Variants in ANK2 observed in about 807,000 individuals in gnomAD.
ANK2 encodes ankyrin 2.
ANK2 carries 83 observed loss-of-function variants against 360.5 expected under a neutral mutation model. The ratio of observed to expected loss-of-function variants is 0.23; its 90% CI spans 0.19 to 0.28. The LOEUF is 0.28. Among genes scored for constraint, ANK2 ranks in the 10% least tolerant of loss-of-function variants. ANK2 has a pLI of 1.00. For synonymous variants in ANK2, 1,740 were observed against 1,759.5 expected (o/e 0.99, Z 0.28); for missense variants, 4,201 against 4,795.7 (o/e 0.88, Z 3.66).
intron 45 of ANK2, chr4:113,374,734 A>G: frequency 9.9e-7 from 1 of 1,013,166 alleles, no homozygotes; most frequent in South Asian, 3.8e-5. Context: ...GCAATCAGAC[A>G]TTGTCTATTG....
chr4:112,828,166 C>G (rs1026298887), intron 1 of ANK2, among the ~76,000 whole-genome samples: 1 of 150,624 alleles, frequency 6.6e-6, no homozygotes, highest in Non-Finnish European at 1.5e-5. Flanking sequence ...TAGCCATATG[C>G]AGAAGATTGA....
At chr4:113,140,254 G>T (rs566152225) in intron 1 of ANK2, among the ~76,000 whole-genome samples, 7 of 152,128 alleles carry the variant, frequency 4.6e-5, no homozygotes, top group Non-Finnish European at 8.8e-5. Flanking sequence ...TGTCGGCATC[G>T]AGAATTCTGC....
At chr4:113,092,161 G>C (rs2088602247) in intron 1 of ANK2, among the ~76,000 whole-genome samples, 1 of 152,006 alleles carries the variant, frequency 6.6e-6, no homozygotes, top group African/African-American at 2.4e-5. Context: ...TTTTAAATGT[G>C]GTAATGTACA....
rs1372897732 is a variant in ANK2 at position 113,356,392 on chromosome 4, G to A, written c.7774G>A (p.Val2592Ile). ...ACCTGAAGAGGAGATGTTTAAAATG[G>A]TAACCAAAATCAAAATGTTTGATGA... is the stretch of plus-strand genomic sequence containing the variant. ...FTPEEEMFKMVTKIKMFDELE... is the reference protein window; with the variant it reads ...FTPEEEMFKMITKIKMFDELE... The change falls in exon 38 of 46, where the codon GTA becomes ATA. Residue 2592 changes from valine to isoleucine, a missense_variant. Around this residue, in one of 4 missense-constraint regions of ANK2, gnomAD observed 2,642 missense variants for 2,714.5 expected, o/e 0.97. Transcript: ENST00000357077. The A allele has an allele frequency of 2.5e-6, 4 of 1,614,122 alleles. No homozygotes were observed. The highest frequency in any genetic ancestry group is 1.7e-6 in the Non-Finnish European group (2 of 1,179,974).
intron 2 of ANK2, among the ~76,000 whole-genome samples, chr4:113,044,287 T>C (rs925873940): frequency 1.3e-5 from 2 of 152,158 alleles, no homozygotes; most frequent in African/African-American, 4.8e-5. Flanking sequence ...GGATTCAGCC[T>C]TTCCCCAGTC....
At chr4:112,947,271 A>C (rs1427469109) in intron 2 of ANK2, among the ~76,000 whole-genome samples, 1 of 152,208 alleles carries the variant, frequency 6.6e-6, no homozygotes, top group Non-Finnish European at 1.5e-5. Flanking sequence ...CTTATGACCA[A>C]AATTTTAATG....
chr4:113,258,447 G>C, intron 13 of ANK2, 36 bp downstream of exon 13: 1 of 1,572,816 alleles, frequency 6.4e-7, no homozygotes, highest in East Asian at 2.2e-5. Context: ...CCCCAGGGAG[G>C]AAGAGCGAGA....
chr4:112,960,535 A>T (rs1023832952), intron 2 of ANK2, among the ~76,000 whole-genome samples: 11 of 152,164 alleles, frequency 7.2e-5, no homozygotes, highest in African/African-American at 2.7e-4. Context: ...TCAGAACAAG[A>T]ACTTCCCTTA....
chr4:112,962,720 C>T (rs1229046483), intron 2 of ANK2, among the ~76,000 whole-genome samples: 1 of 152,106 alleles, frequency 6.6e-6, no homozygotes, highest in African/African-American at 2.4e-5. Context: ...GCCCTACCAC[C>T]AAGCCTAATA....
the ANK2 span, among the ~76,000 whole-genome samples, chr4:112,779,689 G>A: frequency 6.6e-6 from 1 of 152,142 alleles, no homozygotes; most frequent in East Asian, 1.9e-4. Context: ...GGAATGTGGA[G>A]TACTCTAAAT....
At chr4:112,725,238 C>T in the ANK2 span, among the ~76,000 whole-genome samples, 1 of 138,542 alleles carries the variant, frequency 7.2e-6, no homozygotes, top group Non-Finnish European at 1.5e-5. Flanking sequence ...GCCGAGATTG[C>T]GCCACTGCAC....
At chr4:113,126,607 C>G (rs549498329) in intron 1 of ANK2, among the ~76,000 whole-genome samples, 21 of 152,210 alleles carry the variant, frequency 1.4e-4, no homozygotes, top group African/African-American at 4.1e-4. Context: ...GGACAGGAAT[C>G]AAAGCCTGGG....
intron 26 of ANK2, chr4:113,323,844 C>G: frequency 6.4e-7 from 1 of 1,557,648 alleles, no homozygotes; most frequent in Non-Finnish European, 8.8e-7. Flanking sequence ...ATTCCTCTCC[C>G]CCTTTCGCCA....
chr4:112,985,647 A>G (rs1170263496), intron 2 of ANK2, among the ~76,000 whole-genome samples: 1 of 152,160 alleles, frequency 6.6e-6, no homozygotes, highest in Non-Finnish European at 1.5e-5. Context: ...TCAGAGGACA[A>G]TGTCCATATT....
At chr4:113,139,152 C>T (rs2154383374) in intron 1 of ANK2, among the ~76,000 whole-genome samples, 1 of 152,270 alleles carries the variant, frequency 6.6e-6, no homozygotes, top group East Asian at 1.9e-4. Flanking sequence ...CCATGGCGTG[C>T]AACATATAGA....
chr4:112,833,866 A>C (rs576685430), intron 1 of ANK2, among the ~76,000 whole-genome samples: 6 of 152,342 alleles, frequency 3.9e-5, no homozygotes, highest in African/African-American at 1.4e-4. Context: ...CAAAAGGATA[A>C]ATAAGTCTTT....
chr4:112,754,830 AG>A, the ANK2 span, among the ~76,000 whole-genome samples: 3 of 152,282 alleles, frequency 2.0e-5, no homozygotes, highest in Admixed American at 1.3e-4. Context: ...ACAAGAGTAG[AG>A]ATTTGAGGAG....
intron 41 of ANK2, among the ~76,000 whole-genome samples, chr4:113,366,647 C>T (rs115245255): frequency 5.8e-4 from 88 of 152,172 alleles, no homozygotes; most frequent in Admixed American, 9.2e-4. Flanking sequence ...ATGTTCTTTC[C>T]TCAGATCAAC....
intron 2 of ANK2, among the ~76,000 whole-genome samples, chr4:112,916,534 C>T (rs938472333): frequency 1.3e-5 from 2 of 152,136 alleles, no homozygotes; most frequent in South Asian, 4.1e-4. Context: ...TTAAGTATTT[C>T]AATGAAACAT....
Sources: allele counts gnomAD v4.1 joint callset (sites outside exome capture counted in the v4.1 genomes callset), GRCh38; gene constraint gnomAD v4.1.1; regional missense constraint gnomAD v4.1.1; transcripts MANE v1.5; gene names NCBI Gene and HGNC (gene_info 2026-07-23, HGNC 2026-07-21).